NR3C2: variants seen among roughly 807,000 people sequenced by gnomAD.
NR3C2 encodes the protein mineralocorticoid receptor.
A neutral mutation model predicts 86.4 loss-of-function variants in NR3C2; 15 were observed. The ratio of observed to expected loss-of-function variants is 0.17; its 90% CI spans 0.12 to 0.27. The LOEUF (loss-of-function observed/expected upper bound fraction) is 0.27, where lower values mean the gene tolerates loss of function less well. NR3C2 is among the 10% of genes least tolerant of loss of function. The pLI is 1.00. For synonymous variants in NR3C2, 458 were observed against 450.5 expected, an observed-to-expected ratio of 1.02 and a Z score of -0.21; for missense variants, 960 against 1,195.6, an observed-to-expected ratio of 0.80 and a Z score of 2.91.
At chr4:148,359,285 A>G (rs1209082115) in intron 2 of NR3C2, among the ~76,000 whole-genome samples, 1 of 152,146 alleles carries the variant, frequency 6.6e-6, no homozygotes, top group Non-Finnish European at 1.5e-5. Context: ...GGGGGAAAAA[A>G]AAGAAAGCTA....
At chr4:148,401,748 C>T (rs1748179901) in intron 2 of NR3C2, among the ~76,000 whole-genome samples, 1 of 152,102 alleles carries the variant, frequency 6.6e-6, no homozygotes, top group South Asian at 2.1e-4. Context: ...AGGTGTGAGC[C>T]ACCACGCTCG....
At chr4:148,279,353 G>A (rs573945248) in intron 2 of NR3C2, among the ~76,000 whole-genome samples, 75 of 152,280 alleles carry the variant, frequency 4.9e-4, no homozygotes, top group Non-Finnish European at 6.9e-4. Flanking sequence ...AAATTAGACC[G>A]AAACTTGGTG....
intron 2 of NR3C2, among the ~76,000 whole-genome samples, chr4:148,304,588 A>C (rs1216305290): frequency 6.6e-6 from 1 of 152,078 alleles, no homozygotes; most frequent in East Asian, 1.9e-4. Flanking sequence ...TTCCCAAAAC[A>C]GCACCTTCTG....
In NR3C2 at chr4:148,154,837, C is replaced by G; in HGVS notation, c.2079G>C (p.Gln693His). 1 of 1,585,680 alleles carries G rather than the reference C, an allele frequency of 6.3e-7. No homozygotes were observed. Among genetic ancestry groups the G allele is most frequent in the Non-Finnish European group, 8.6e-7 (1 of 1,164,978 alleles). ...GCGGGGGTGGGGGTGGGGGTGGGGG[C>G]TGCTGCTGCTGTGGCTGCTCCTCGT... ...GIHEEQPQQQ[Q>H]PPPPPPPPQS... The change falls in exon 5 of 9, where the codon CAG (glutamine) becomes CAC (histidine). Residue 693 changes from glutamine to histidine, a missense_variant. Coordinates refer to ENST00000358102, the MANE Select transcript of NR3C2 (RefSeq NM_000901.5).
At chr4:148,106,663 G>A (rs1331084612) in intron 8 of NR3C2, among the ~76,000 whole-genome samples, 1 of 152,166 alleles carries the variant, frequency 6.6e-6, no homozygotes, top group Non-Finnish European at 1.5e-5. Flanking sequence ...TACCAAAACA[G>A]ATATATAGAC....
chr4:148,222,061 A>G (rs1051725465), intron 3 of NR3C2, among the ~76,000 whole-genome samples: 1 of 152,164 alleles, frequency 6.6e-6, no homozygotes, highest in Non-Finnish European at 1.5e-5. Context: ...TCTGGTACAT[A>G]ATAAGCAATA....
chr4:148,229,402 A>G (rs893919631), intron 3 of NR3C2, among the ~76,000 whole-genome samples: 21 of 151,952 alleles, frequency 1.4e-4, no homozygotes, highest in African/African-American at 5.1e-4. Flanking sequence ...CCTCATGTCT[A>G]TTTTTTCCTG....
intron 2 of NR3C2, among the ~76,000 whole-genome samples, chr4:148,305,955 G>C (rs566874114): frequency 1.3e-5 from 2 of 152,184 alleles, no homozygotes; most frequent in African/African-American, 4.8e-5. Flanking sequence ...GAGCTAGAAG[G>C]CCATGGAAAG....
At chr4:148,320,690 G>C (rs911141082) in intron 2 of NR3C2, among the ~76,000 whole-genome samples, 11 of 151,870 alleles carry the variant, frequency 7.2e-5, no homozygotes, top group Non-Finnish European at 1.5e-4. Flanking sequence ...TTCTCTGATG[G>C]TAGTTTGTAT....
intron 4 of NR3C2, among the ~76,000 whole-genome samples, chr4:148,158,967 T>C (rs1734530685): frequency 6.6e-6 from 1 of 152,216 alleles, no homozygotes; most frequent in Admixed American, 6.5e-5. Flanking sequence ...AATAAATATC[T>C]CCAGTGTATC....
At chr4:148,130,979 C>T (rs1162082385) in intron 6 of NR3C2, among the ~76,000 whole-genome samples, 2 of 151,784 alleles carry the variant, frequency 1.3e-5, no homozygotes, top group African/African-American at 2.4e-5. Flanking sequence ...TACAGGCGCC[C>T]GCCACAATGC....
At chr4:148,411,949 T>A (rs2126571795) in intron 2 of NR3C2, among the ~76,000 whole-genome samples, 1 of 152,304 alleles carries the variant, frequency 6.6e-6, no homozygotes, top group Admixed American at 6.5e-5. Context: ...GCTGCACATT[T>A]TAGGGAGACA....
chr4:148,122,122 G>A (rs1732535193), intron 6 of NR3C2, among the ~76,000 whole-genome samples: 1 of 152,098 alleles, frequency 6.6e-6, no homozygotes, highest in Non-Finnish European at 1.5e-5. Flanking sequence ...ATAGTACATG[G>A]TTGCTTTTAT....
At chr4:148,443,721 C>G (rs947266958), upstream of NR3C2, among the ~76,000 whole-genome samples, 1 of 152,170 alleles carries the variant, frequency 6.6e-6, no homozygotes, top group Admixed American at 6.5e-5. Flanking sequence ...CGACCCGCAG[C>G]CCGGCGGCGG....
intron 2 of NR3C2, among the ~76,000 whole-genome samples, chr4:148,400,666 C>G (rs563839044): frequency 6.6e-5 from 10 of 151,318 alleles, no homozygotes; most frequent in Admixed American, 1.3e-4. Flanking sequence ...GTAGTCCCAG[C>G]TACTCGGGAG....
chr4:148,215,544 G>C (rs185295456), intron 3 of NR3C2, among the ~76,000 whole-genome samples: 20 of 152,250 alleles, frequency 1.3e-4, no homozygotes, highest in Admixed American at 1.2e-3. Flanking sequence ...ACGTGACCAA[G>C]GATATGCATT....
chr4:148,429,023 G>A (rs73857011), intron 2 of NR3C2, among the ~76,000 whole-genome samples: 160 of 151,982 alleles, frequency 1.1e-3, no homozygotes, highest in African/African-American at 3.5e-3. Flanking sequence ...AGCCCACCAC[G>A]CGGCTCAACC....
chr4:148,409,425 C>G (rs1305257340), intron 2 of NR3C2, among the ~76,000 whole-genome samples: 1 of 152,114 alleles, frequency 6.6e-6, no homozygotes, highest in Non-Finnish European at 1.5e-5. Context: ...TTGCCACCTT[C>G]AAGGATAGTC....
intron 2 of NR3C2, among the ~76,000 whole-genome samples, chr4:148,423,202 ACC>A (rs1007882262): frequency 3.4e-5 from 5 of 145,606 alleles, no homozygotes; most frequent in Admixed American, 7.1e-5. Flanking sequence ...TAACCTTTCT[ACC>A]CCCTTTTATG....
Sources: allele counts gnomAD v4.1 joint callset (sites outside exome capture counted in the v4.1 genomes callset), GRCh38; gene constraint gnomAD v4.1.1; transcripts MANE v1.5; gene names NCBI Gene and HGNC (gene_info 2026-07-23, HGNC 2026-07-21).